The following NCOA2 variants were observed in gnomAD, a reference collection of about 807,000 sequenced individuals.
NCOA2 encodes nuclear receptor coactivator 2.
A neutral mutation model predicts 145.1 loss-of-function variants in NCOA2; 21 were observed. The ratio of observed to expected loss-of-function variants is 0.14; its 90% CI spans 0.10 to 0.21. The LOEUF (loss-of-function observed/expected upper bound fraction) is 0.21. NCOA2 is among the 10% of genes least tolerant of loss of function. The pLI is 1.00. For missense variants in NCOA2, 1,472 were observed against 1,837.6 expected (o/e 0.80, Z 3.64); for synonymous variants, 619 against 637.5 (o/e 0.97, Z 0.44).
At chr8:70,408,570 G>A (rs569647177), upstream of NCOA2, among the ~76,000 whole-genome samples, 15 of 152,270 alleles carry the variant, frequency 9.9e-5, no homozygotes, top group South Asian at 8.3e-4. Flanking sequence ...AAGCTGAGGC[G>A]GGAAGATCAC....
At chr8:70,232,943 TCGGCCAGG>T (rs1453283992) in intron 2 of NCOA2, among the ~76,000 whole-genome samples, 3 of 151,400 alleles carry the variant, frequency 2.0e-5, no homozygotes, top group Non-Finnish European at 4.4e-5. Context: ...ATAATACATG[TCGGCCAGG>T]CGCGGTAGCT....
At chr8:70,321,558 C>T (rs1409490206) in intron 1 of NCOA2, among the ~76,000 whole-genome samples, 3 of 151,924 alleles carry the variant, frequency 2.0e-5, no homozygotes, top group Non-Finnish European at 2.9e-5. Context: ...AATTATTTAT[C>T]CAAAGGAGAT....
chr8:70,166,230 C>T (rs1180616838), intron 7 of NCOA2, among the ~76,000 whole-genome samples: 1 of 152,080 alleles, frequency 6.6e-6, no homozygotes, highest in African/African-American at 2.4e-5. Flanking sequence ...GTACAGTAGC[C>T]GCTAACTGCA....
intron 4 of NCOA2, among the ~76,000 whole-genome samples, chr8:70,189,968 A>G (rs997569658): frequency 6.6e-6 from 1 of 152,228 alleles, no homozygotes; most frequent in African/African-American, 2.4e-5. Flanking sequence ...TTCACTAAGA[A>G]TGCTTTCATC....
chr8:70,172,853 CTG>C (rs1814406216), intron 5 of NCOA2, among the ~76,000 whole-genome samples: 1 of 152,084 alleles, frequency 6.6e-6, no homozygotes, highest in Admixed American at 6.5e-5. Flanking sequence ...TCTCATAAAG[CTG>C]TGTTTTTTTT....
chr8:70,297,811 G>GC (rs1420929960), intron 1 of NCOA2, among the ~76,000 whole-genome samples: 2 of 152,192 alleles, frequency 1.3e-5, no homozygotes, highest in African/African-American at 4.8e-5. Context: ...TGAGCCTGCA[G>GC]CTTTTCGTCT....
Position 70,385,172 on chromosome 8 carries a change from C to G in NCOA2, c.-77+18528G>C, listed in dbSNP as rs185884601. On this transcript the variant is annotated intron_variant, in intron 1 of 22. Transcript: ENST00000452400. Reference sequence around the variant, plus strand: ...TTTTCATAGTTCTTCTAAACATCCTCTATTTGAATTTAAAATAATCTACTC... The same window carrying G: ...TTTTCATAGTTCTTCTAAACATCCTGTATTTGAATTTAAAATAATCTACTC... Among the ~76,000 whole-genome samples, 370 of 152,290 alleles carry G rather than the reference C, an allele frequency of 2.4e-3. 2 individuals are homozygous for G. The highest frequency in any genetic ancestry group is 8.4e-3 in the African/African-American group (347 of 41,554).
chr8:70,333,279 C>A (rs1005269192), intron 1 of NCOA2, among the ~76,000 whole-genome samples: 4 of 152,148 alleles, frequency 2.6e-5, no homozygotes, highest in Admixed American at 6.5e-5. Context: ...CCAGAGTATT[C>A]CTAAGCATTC....
intron 2 of NCOA2, among the ~76,000 whole-genome samples, chr8:70,257,041 A>G (rs1393990929): frequency 6.6e-6 from 1 of 152,192 alleles, no homozygotes; most frequent in African/African-American, 2.4e-5. Context: ...CTAATCCTCA[A>G]CAGCCCTATG....
intron 1 of NCOA2, among the ~76,000 whole-genome samples, chr8:70,381,542 C>T (rs970035990): frequency 6.6e-6 from 1 of 152,202 alleles, no homozygotes; most frequent in Admixed American, 6.5e-5. Flanking sequence ...TAATATTAAT[C>T]ATGGAAAAGT....
chr8:70,232,894 T>TACACACACACACACAC (rs1821259384), intron 2 of NCOA2, among the ~76,000 whole-genome samples: 3 of 15,970 alleles, frequency 1.9e-4, no homozygotes, highest in Non-Finnish European at 4.9e-4. Flanking sequence ...CACACACACG[T>TACACACACACACACAC]GCGTAGATAT....
intron 6 of NCOA2, among the ~76,000 whole-genome samples, chr8:70,167,983 T>C (rs1813819551): frequency 6.6e-6 from 1 of 152,244 alleles, no homozygotes; most frequent in Non-Finnish European, 1.5e-5. Flanking sequence ...TCTATATCAT[T>C]CCTTATGCTT....
chr8:70,275,336 T>A (rs1825386571), intron 2 of NCOA2, among the ~76,000 whole-genome samples: 1 of 152,046 alleles, frequency 6.6e-6, no homozygotes, highest in Admixed American at 6.6e-5. Context: ...TAAAAAGAAA[T>A]AAGTACTTAT....
chr8:70,242,910 T>A (rs895314406), intron 2 of NCOA2, among the ~76,000 whole-genome samples: 5 of 152,100 alleles, frequency 3.3e-5, no homozygotes, highest in African/African-American at 1.2e-4. Flanking sequence ...GACCCGATTA[T>A]AATATTTGTG....
chr8:70,448,782 A>G, the NCOA2 span, among the ~76,000 whole-genome samples: 1 of 148,466 alleles, frequency 6.7e-6, no homozygotes, highest in South Asian at 2.2e-4. Flanking sequence ...CAGAATTATC[A>G]TACAATGAGA....
At chr8:70,328,024 T>C (rs1308682638) in intron 1 of NCOA2, among the ~76,000 whole-genome samples, 1 of 152,200 alleles carries the variant, frequency 6.6e-6, no homozygotes, top group East Asian at 1.9e-4. Context: ...ACCTTTCATC[T>C]ACTTTGAGCA....
In NCOA2 at chr8:70,213,955, T is replaced by C. The variant is rs929380771; in HGVS notation, c.207A>G (p.Lys69=). 1 of 1,611,792 alleles carries C rather than the reference T, an allele frequency of 6.2e-7. No individual in the cohort carries two copies. The highest frequency in any genetic ancestry group is 8.5e-7 in the Non-Finnish European group (1 of 1,178,912). The change falls in exon 4 of 23, where the codon AAA becomes AAG. Residue 69 remains lysine (K), a synonymous_variant. Coordinates refer to ENST00000452400, the MANE Select transcript of NCOA2 (RefSeq NM_006540.4). ...DIDNFNFKPD[K]CAILKETVKQ... is the part of the protein sequence containing the mutation. ...TCACAGTTTCTTTTAAGATTGCACA[T>C]TTGTCAGGTTTGAAGTTAAAGTTGT...
At chr8:70,153,233 C>T (rs1811940924) in intron 11 of NCOA2, among the ~76,000 whole-genome samples, 1 of 152,132 alleles carries the variant, frequency 6.6e-6, no homozygotes, top group South Asian at 2.1e-4. Flanking sequence ...CTATATGTGC[C>T]TCTGTGTGTG....
intron 16 of NCOA2, among the ~76,000 whole-genome samples, chr8:70,129,890 G>A (rs953426085): frequency 3.3e-5 from 5 of 152,262 alleles, no homozygotes; most frequent in Non-Finnish European, 5.9e-5. Flanking sequence ...GGCTGGTCTC[G>A]AACTCCCAAC....
Sources: gnomAD v4.1 joint callset for allele counts (sites outside exome capture counted in the v4.1 genomes callset) on GRCh38, gnomAD v4.1.1 for gene constraint, MANE v1.5 for transcripts, NCBI Gene and HGNC (gene_info 2026-07-23, HGNC 2026-07-21) for gene names.